ANO10: variants seen among roughly 807,000 people sequenced by gnomAD.
ANO10 encodes the protein anoctamin-10.
In ANO10, 77 loss-of-function variants were observed where a neutral mutation model predicts 74.7. The ratio of observed to expected loss-of-function variants is 1.03; its 90% CI spans 0.86 to 1.25. ANO10 has a LOEUF of 1.25. ANO10 is among the 50% of genes most tolerant of loss of function. ANO10 has a pLI of 0.00. For missense variants in ANO10, 721 were observed against 778.1 expected, an observed-to-expected ratio of 0.93 and a Z score of 0.87; for synonymous variants, 279 against 284.9, an observed-to-expected ratio of 0.98 and a Z score of 0.21.
In ANO10 at chr3:43,432,653, T is replaced by C. The variant is rs751654909; in HGVS notation, c.1872A>G (p.Leu624=). ...CCAAAGACTCAAATTCCAGTCTGGCTAGTTTCATCTGGATATGCCGTGGCT... is the reference window on the plus strand; with the variant it reads ...CCAAAGACTCAAATTCCAGTCTGGCCAGTTTCATCTGGATATGCCGTGGCT... ...PDKPRHIQMK[L]ARLEFESLEA... Residue 624 remains leucine, a synonymous_variant, in exon 12 of 13, where the codon CTA becomes CTG. Coordinates refer to ENST00000292246, the MANE Select transcript of ANO10 (RefSeq NM_018075.5). 1 of 1,614,028 alleles carries C rather than the reference T, an allele frequency of 6.2e-7. No individual in the cohort carries two copies. The highest frequency in any genetic ancestry group is 1.7e-5 in the Admixed American group (1 of 60,002).
At chr3:43,462,818 G>A (rs2075438770) in intron 11 of ANO10, among the ~76,000 whole-genome samples, 2 of 152,184 alleles carry the variant, frequency 1.3e-5, no homozygotes, top group Non-Finnish European at 2.9e-5. Context: ...GCAGCCTAGG[G>A]ACTTGGTGCC....
At chr3:43,383,862 A>T (rs1042279144) in intron 12 of ANO10, among the ~76,000 whole-genome samples, 11 of 152,348 alleles carry the variant, frequency 7.2e-5, no homozygotes, top group Admixed American at 3.3e-4. Flanking sequence ...CTGGAACAAG[A>T]CAAGGATGCC....
intron 12 of ANO10, among the ~76,000 whole-genome samples, chr3:43,431,458 C>T (rs1170657790): frequency 2.6e-5 from 4 of 151,862 alleles, no homozygotes; most frequent in Admixed American, 6.6e-5. Context: ...TTGGTTAGTA[C>T]CTCTAGAAGA....
At chr3:43,453,092 T>C (rs1395446518) in intron 11 of ANO10, among the ~76,000 whole-genome samples, 2 of 152,206 alleles carry the variant, frequency 1.3e-5, no homozygotes, top group African/African-American at 4.8e-5. Context: ...GATATGTGAT[T>C]TGCAAATATC....
At chr3:43,417,272 T>C (rs117687595) in intron 12 of ANO10, among the ~76,000 whole-genome samples, 2,250 of 152,274 alleles carry the variant, frequency 0.015, 141 homozygotes, top group Admixed American at 0.11. Context: ...CCATCTTCCG[T>C]TCTCTGCCAA....
At chr3:43,544,566 G>C (rs1488943350) in intron 11 of ANO10, among the ~76,000 whole-genome samples, 1 of 152,094 alleles carries the variant, frequency 6.6e-6, no homozygotes, top group African/African-American at 2.4e-5. Flanking sequence ...GCTGAGGCAG[G>C]CAGATCACTT....
chr3:43,434,654 A>G (rs1302964135), intron 11 of ANO10, among the ~76,000 whole-genome samples: 3 of 152,222 alleles, frequency 2.0e-5, no homozygotes, highest in African/African-American at 7.2e-5. Context: ...TGAAAAAAAC[A>G]AAATATCCTG....
intron 7 of ANO10, among the ~76,000 whole-genome samples, chr3:43,573,951 ATTG>A (rs1322819585): frequency 1.3e-5 from 2 of 152,090 alleles, no homozygotes; most frequent in Non-Finnish European, 2.9e-5. Context: ...TTTTGTTGTT[ATTG>A]TTGTTGTTTT....
intron 12 of ANO10, among the ~76,000 whole-genome samples, chr3:43,393,997 CCCT>C (rs1363257871): frequency 1.3e-5 from 2 of 152,094 alleles, no homozygotes; most frequent in Non-Finnish European, 2.9e-5. Context: ...GAATGAACAC[CCCT>C]GGGGGTGGGA....
intron 11 of ANO10, among the ~76,000 whole-genome samples, chr3:43,455,522 G>C (rs1201009925): frequency 6.6e-6 from 1 of 152,026 alleles, no homozygotes; most frequent in Admixed American, 6.6e-5. Context: ...GAGGAATGGG[G>C]GGAAATGACC....
intron 11 of ANO10, among the ~76,000 whole-genome samples, chr3:43,477,281 A>G (rs77843247): frequency 0.018 from 2,716 of 152,312 alleles, 77 homozygotes; most frequent in African/African-American, 0.06. Context: ...AGTGGATAAA[A>G]CTTAGGCAGA....
At chr3:43,616,832 T>C (rs1166304156) in intron 1 of ANO10, among the ~76,000 whole-genome samples, 1 of 152,166 alleles carries the variant, frequency 6.6e-6, no homozygotes, top group Non-Finnish European at 1.5e-5. Flanking sequence ...TGTCCCCATA[T>C]GGTAATCCCA....
chr3:43,687,848 T>C (rs2084294455), intron 1 of ANO10, among the ~76,000 whole-genome samples: 2 of 152,058 alleles, frequency 1.3e-5, no homozygotes, highest in African/African-American at 4.8e-5. Flanking sequence ...CCTGGGGGTA[T>C]AGGTTGCAAT....
intron 11 of ANO10, among the ~76,000 whole-genome samples, chr3:43,503,058 C>T (rs2077157309): frequency 6.6e-6 from 1 of 151,962 alleles, no homozygotes; most frequent in Admixed American, 6.6e-5. Context: ...GAATTGTACA[C>T]TTAAAATGGT....
chr3:43,516,753 G>A (rs2077728742), intron 11 of ANO10, among the ~76,000 whole-genome samples: 1 of 152,196 alleles, frequency 6.6e-6, no homozygotes, highest in Admixed American at 6.5e-5. Flanking sequence ...GAATAAGCAG[G>A]TGGGAGAGAA....
At position 43,576,895 on chromosome 3, in the gene ANO10, G is replaced by C. The variant is rs1290829003; in HGVS notation, c.959C>G (p.Pro320Arg). 7 of 1,614,042 alleles carry C rather than the reference G, an allele frequency of 4.3e-6. No individual in the cohort carries two copies. Among genetic ancestry groups the C allele is most frequent in the Non-Finnish European group, 5.9e-6 (7 of 1,180,046 alleles). Residue 320 changes from proline (P) to arginine (R), a missense_variant, in exon 6 of 13, where the codon CCA (proline) becomes CGA (arginine). Transcript: ENST00000292246. ...GAAATAGAGGCAGAGGCACACGAAT[G>C]GCAGGGAGACCAGGTAAATGCGCAA... ...RQLRIYLVSLPFVCLCLYFSL... is the reference protein window; with the variant it reads ...RQLRIYLVSLRFVCLCLYFSL...
chr3:43,629,352 G>A (rs2083524053), intron 1 of ANO10, among the ~76,000 whole-genome samples: 1 of 152,132 alleles, frequency 6.6e-6, no homozygotes, highest in South Asian at 2.1e-4. Flanking sequence ...TTTATTACAT[G>A]CCTTTTCATC....
chr3:43,605,948 A>G (rs2082544286), intron 1 of ANO10, 85 bp from the exon 2 acceptor site: 1 of 1,478,324 alleles, frequency 6.8e-7, no homozygotes, highest in East Asian at 2.3e-5. Context: ...TCTCCCAATT[A>G]TACCTAATTC....
chr3:43,650,213 G>A (rs1389871792), intron 1 of ANO10, among the ~76,000 whole-genome samples: 1 of 152,180 alleles, frequency 6.6e-6, no homozygotes, highest in Non-Finnish European at 1.5e-5. Context: ...GAGCTATAAA[G>A]GGGATAGAAT....
Sources: gnomAD v4.1 joint callset for allele counts (sites outside exome capture counted in the v4.1 genomes callset) on GRCh38, gnomAD v4.1.1 for gene constraint, MANE v1.5 for transcripts, NCBI Gene and HGNC (gene_info 2026-07-23, HGNC 2026-07-21) for gene names.